The following CCDC15 variants were observed in gnomAD, a reference collection of about 807,000 sequenced individuals.
CCDC15 encodes the protein coiled-coil domain-containing protein 15.
CCDC15 carries 105 observed loss-of-function variants against 114.5 expected under a neutral mutation model. The observed-to-expected ratio is 0.92, with a 90% CI of 0.78 to 1.08. The LOEUF is 1.08. Ranked by LOEUF, CCDC15 falls within the 50% of genes least tolerant of loss-of-function variation. CCDC15 has a pLI of 0.00. For missense variants in CCDC15, 1,105 were observed against 1,093.6 expected, an observed-to-expected ratio of 1.01 and a Z score of -0.15; for synonymous variants, 334 against 377.8, an observed-to-expected ratio of 0.88 and a Z score of 1.34.
chr11:124,959,740 A>G, intron 3 of CCDC15, 75 bp from the exon 4 acceptor site: 1 of 1,058,354 alleles, frequency 9.4e-7, no homozygotes, highest in Non-Finnish European at 1.3e-6. Flanking sequence ...AATCTTCTGA[A>G]CTGCTTTAGA....
intron 13 of CCDC15, among the ~76,000 whole-genome samples, chr11:125,013,964 A>G (rs781620021): frequency 3.9e-5 from 6 of 152,204 alleles, no homozygotes; most frequent in Non-Finnish European, 7.4e-5. Flanking sequence ...GGTCTCAAAC[A>G]TTTGATCAGT....
intron 6 of CCDC15, among the ~76,000 whole-genome samples, chr11:124,979,901 G>T (rs1199460472): frequency 1.3e-5 from 2 of 152,116 alleles, no homozygotes; most frequent in African/African-American, 2.4e-5. Flanking sequence ...TTGGCTCTGG[G>T]TTTTTTGTTA....
intron 4 of CCDC15, among the ~76,000 whole-genome samples, chr11:124,967,415 G>A (rs1947803217): frequency 6.6e-6 from 1 of 152,028 alleles, no homozygotes; most frequent in Non-Finnish European, 1.5e-5. Flanking sequence ...TCTTCCACTT[G>A]ATCAAATTGG....
At chr11:125,023,725 A>G (rs888292846) in intron 13 of CCDC15, among the ~76,000 whole-genome samples, 3 of 151,994 alleles carry the variant, frequency 2.0e-5, no homozygotes, top group Non-Finnish European at 4.4e-5. Flanking sequence ...CACTTTGGAA[A>G]CTCGCACCCC....
chr11:124,968,580 GAAAGGGAAA>G (rs1205372287), intron 4 of CCDC15, among the ~76,000 whole-genome samples: 1 of 152,164 alleles, frequency 6.6e-6, no homozygotes, highest in Non-Finnish European at 1.5e-5. Context: ...CCTTGGCTAG[GAAAGGGAAA>G]TCCCCCGACT....
chr11:125,023,508 G>A (rs1366919288), intron 13 of CCDC15, among the ~76,000 whole-genome samples: 1 of 151,860 alleles, frequency 6.6e-6, no homozygotes, highest in African/African-American at 2.4e-5. Flanking sequence ...ATTTCTCTCA[G>A]GAAAATATAC....
In CCDC15 at chr11:124,987,389, C is replaced by T; in HGVS notation, c.1163C>T (p.Thr388Ile). ...EPEGQPIKTE[T>I]QGIMLKAQSI... ...GAAGGCCAGCCTATTAAGACAGAAA[C>T]TCAGGGTATTATGCTGAAAGCCCAG... Residue 388 changes from threonine to isoleucine, a missense_variant, in exon 8 of 16, where the codon ACT becomes ATT. By Grantham distance (89) the Thr-to-Ile change is moderately conservative. Transcript: ENST00000344762. 6.2e-7 allele frequency: 1 copy of T among 1,614,010 alleles called. No individual in the cohort carries two copies. Among genetic ancestry groups the T allele is most frequent in the Non-Finnish European group, 8.5e-7 (1 of 1,179,906 alleles).
chr11:124,981,734 C>T (rs1948075288), intron 6 of CCDC15, among the ~76,000 whole-genome samples: 1 of 152,222 alleles, frequency 6.6e-6, no homozygotes, highest in South Asian at 2.1e-4. Context: ...ATGCTCCCAA[C>T]TCAGCCACCT....
chr11:124,959,468 G>T (rs1003093848), intron 3 of CCDC15, among the ~76,000 whole-genome samples: 27 of 152,160 alleles, frequency 1.8e-4, no homozygotes, highest in African/African-American at 6.3e-4. Context: ...TTACCAAGTA[G>T]TTAAAAGCAA....
At chr11:124,956,048 A>G (rs561384932) in intron 2 of CCDC15, among the ~76,000 whole-genome samples, 2 of 152,232 alleles carry the variant, frequency 1.3e-5, no homozygotes, top group Admixed American at 1.3e-4. Flanking sequence ...GGTAGATTAG[A>G]TCGATTGGAG....
At chr11:125,009,900 G>A (rs35245013) in intron 13 of CCDC15, among the ~76,000 whole-genome samples, 40,521 of 151,974 alleles carry the variant, frequency 0.27, 6,401 homozygotes, top group African/African-American at 0.44. Flanking sequence ...TATCCAGTTC[G>A]CCACTGATGG....
At position 125,039,005 on chromosome 11, in the gene CCDC15, T is replaced by A. The variant is rs1948797037; in HGVS notation, c.2670T>A (p.Pro890=). Residue 890 remains proline (P), a synonymous_variant, in exon 15 of 16, where the codon CCT becomes CCA. Coordinates refer to ENST00000344762, the MANE Select transcript of CCDC15 (RefSeq NM_025004.3). ...TACCTCCACTATGCTGTTGTGGTCC[T>A]GATTTTTGGGATGCTCATCCTGATA... ...ITLPPLCCCG[P]DFWDAHPDTC... 3 of 1,611,676 alleles carry A rather than the reference T, an allele frequency of 1.9e-6. No individual in the cohort carries two copies. The highest frequency in any genetic ancestry group is 2.5e-6 in the Non-Finnish European group (3 of 1,178,560).
At chr11:124,996,611 T>G (rs921788726) in intron 11 of CCDC15, among the ~76,000 whole-genome samples, 1 of 152,220 alleles carries the variant, frequency 6.6e-6, no homozygotes, top group African/African-American at 2.4e-5. Flanking sequence ...TTAAGTACAC[T>G]CACATTGTTG....
At chr11:125,023,374 GA>G (rs1318973646) in intron 13 of CCDC15, among the ~76,000 whole-genome samples, 1 of 151,940 alleles carries the variant, frequency 6.6e-6, no homozygotes, top group African/African-American at 2.4e-5. Flanking sequence ...CAGAATGGGA[GA>G]AAATATTTAT....
intron 2 of CCDC15, among the ~76,000 whole-genome samples, chr11:124,957,371 A>ATGTC (rs1224546224): frequency 1.3e-5 from 2 of 152,198 alleles, no homozygotes; most frequent in Admixed American, 6.5e-5. Flanking sequence ...GATGACTAGA[A>ATGTC]TGTCTGGGTG....
chr11:124,996,510 T>C (rs1948372428), intron 11 of CCDC15, among the ~76,000 whole-genome samples: 1 of 152,208 alleles, frequency 6.6e-6, no homozygotes, highest in Admixed American at 6.5e-5. Flanking sequence ...TTTATACACA[T>C]GTAAATATAG....
At chr11:125,038,301 T>C (rs974745314) in intron 13 of CCDC15, 130 bp from the exon 14 acceptor site, 1 of 586,110 alleles carries the variant, frequency 1.7e-6, no homozygotes, top group Admixed American at 3.8e-5. Flanking sequence ...TTTGAGGATA[T>C]TCTTGGGATA....
At chr11:125,035,770 C>G (rs1010837731) in intron 13 of CCDC15, among the ~76,000 whole-genome samples, 1 of 152,028 alleles carries the variant, frequency 6.6e-6, no homozygotes, top group African/African-American at 2.4e-5. Context: ...TACGATGAGG[C>G]TTGCAAATAA....
rs117914115 is a variant in CCDC15, at chr11:125,026,322, G to T, written c.2412-12109G>T. Among the ~76,000 whole-genome samples the T allele has an allele frequency of 1.0e-3, 157 of 152,242 alleles. 2 individuals are homozygous for T. In the East Asian group the frequency reaches 0.028, roughly 28 times the overall value. On this transcript the variant is annotated intron_variant, in intron 13 of 15. Transcript: ENST00000344762. Reference sequence around the variant, plus strand: ...TTGGCCACTGGCTGAGTTCTGCCTGGTGTTAGCAGCACTGTGTTCCATTAC... The same window carrying T: ...TTGGCCACTGGCTGAGTTCTGCCTGTTGTTAGCAGCACTGTGTTCCATTAC...
Sources: allele counts gnomAD v4.1 joint callset (sites outside exome capture counted in the v4.1 genomes callset), GRCh38; gene constraint gnomAD v4.1.1; transcripts MANE v1.5; gene names NCBI Gene and HGNC (gene_info 2026-07-23, HGNC 2026-07-21).